The following RAB3C variants were observed in gnomAD, a reference collection of about 807,000 sequenced individuals.
The protein encoded by RAB3C is ras-related protein Rab-3C.
A neutral mutation model predicts 26.4 loss-of-function variants in RAB3C; 17 were observed. That is an observed-to-expected ratio of 0.64 (90% CI 0.44 to 0.97). The LOEUF (loss-of-function observed/expected upper bound fraction) is 0.97. Ranked by LOEUF, RAB3C falls within the 50% of genes least tolerant of loss-of-function variation. The pLI is 0.00. For synonymous variants in RAB3C, 91 were observed against 95.9 expected (o/e 0.95, Z 0.30); for missense variants, 242 against 281.9 (o/e 0.86, Z 1.01).
Position 58,628,911 on chromosome 5 carries a change from G to T in RAB3C, c.252+11041G>T, listed in dbSNP as rs964228135. Among the ~76,000 whole-genome samples the T allele has an allele frequency of 1.3e-4, 20 of 151,832 alleles. 1 individual carries two copies. The South Asian group carries it at 4.2e-3, about 32-fold the overall frequency. On this transcript the variant is annotated intron_variant, in intron 2 of 4. Coordinates refer to ENST00000282878, the MANE Select transcript of RAB3C (RefSeq NM_138453.4). ...GTCAATCTGTTTTTTATAAAGGGCTGGGCATGGTGGCTCATGCCTGTAATC... is the reference window on the plus strand; with the variant it reads ...GTCAATCTGTTTTTTATAAAGGGCTTGGCATGGTGGCTCATGCCTGTAATC...
At chr5:58,585,560 T>C (rs1413419306) in intron 1 of RAB3C, among the ~76,000 whole-genome samples, 1 of 152,076 alleles carries the variant, frequency 6.6e-6, no homozygotes, top group Admixed American at 6.5e-5. Flanking sequence ...GTTCATTTGT[T>C]GATGTGAAAG....
intron 4 of RAB3C, among the ~76,000 whole-genome samples, chr5:58,834,110 G>C (rs1327068494): frequency 6.6e-6 from 1 of 152,148 alleles, no homozygotes; most frequent in East Asian, 1.9e-4. Flanking sequence ...TTTAGCAAAA[G>C]ACCATGGCTG....
Position 58,855,677 on chromosome 5 carries a change from T to C in RAB3C, c.*4326T>C, listed in dbSNP as rs1296185136. The C allele has an allele frequency of 1.3e-5, 2 of 152,218 alleles. No individual in the cohort carries two copies. The highest frequency in any genetic ancestry group is 4.8e-5 in the African/African-American group (2 of 41,460). The allele number at this position is 152,218 out of a possible 1,614,324, so 9.4% of individuals were successfully genotyped here. ...AGCCAGCTTTTGGGAGTTCTTCATATTTTAGGTGAATTTTTGACCAAAGTC... is the reference window on the plus strand; with the variant it reads ...AGCCAGCTTTTGGGAGTTCTTCATACTTTAGGTGAATTTTTGACCAAAGTC... On this transcript the variant is annotated 3_prime_UTR_variant, in exon 5 of 5. Transcript: ENST00000282878.
chr5:58,682,377 G>A (rs908237365), intron 2 of RAB3C, among the ~76,000 whole-genome samples: 2 of 152,112 alleles, frequency 1.3e-5, no homozygotes, highest in African/African-American at 2.4e-5. Flanking sequence ...ACATTCTTGA[G>A]GCATTATTAC....
intron 3 of RAB3C, among the ~76,000 whole-genome samples, chr5:58,748,277 G>A (rs371248309): frequency 2.0e-4 from 30 of 152,208 alleles, no homozygotes; most frequent in African/African-American, 6.7e-4. Flanking sequence ...AAAACTGTGC[G>A]TATTTTCTCA....
At chr5:58,825,302 T>C in intron 4 of RAB3C, 140 bp downstream of exon 4, 1 of 906,072 alleles carries the variant, frequency 1.1e-6, no homozygotes, top group Non-Finnish European at 1.5e-6. Context: ...TAATCCTCCC[T>C]AAGTGGACAA....
rs959471267 is a variant in RAB3C at position 58,857,665 on chromosome 5, A to G, written c.*6314A>G. Reference sequence around the variant, plus strand: ...CAACCCTGGGAATTCTAAAATACCAATGTATTTTTAGGTTGTAGCTAATGT... The same window carrying G: ...CAACCCTGGGAATTCTAAAATACCAGTGTATTTTTAGGTTGTAGCTAATGT... On this transcript the variant is annotated 3_prime_UTR_variant, in exon 5 of 5. Transcript: ENST00000282878. 27 of 152,300 alleles carry G rather than the reference A, an allele frequency of 1.8e-4. No homozygotes were observed. The highest frequency in any genetic ancestry group is 6.0e-4 in the African/African-American group (25 of 41,574). The allele number at this position is 152,300 out of a possible 1,614,324, so 9.4% of individuals were successfully genotyped here.
chr5:58,712,187 A>C (rs760661257), intron 2 of RAB3C, among the ~76,000 whole-genome samples: 55 of 151,974 alleles, frequency 3.6e-4, no homozygotes, highest in Non-Finnish European at 6.5e-4. Context: ...TACTATAAAC[A>C]CTTCACACAC....
chr5:58,605,397 G>T (rs1287648387), intron 1 of RAB3C, among the ~76,000 whole-genome samples: 1 of 152,162 alleles, frequency 6.6e-6, no homozygotes, highest in Non-Finnish European at 1.5e-5. Flanking sequence ...GGTTCTGCAT[G>T]TGAGGAGCTT....
At chr5:58,814,607 C>T (rs981984945) in intron 3 of RAB3C, 2 of 152,166 alleles carry the variant, frequency 1.3e-5, no homozygotes, top group Non-Finnish European at 2.9e-5. Context: ...ATGACTTTGG[C>T]CTTGCCCTGT....
At chr5:58,611,520 G>T (rs1437739660) in intron 1 of RAB3C, among the ~76,000 whole-genome samples, 1 of 151,982 alleles carries the variant, frequency 6.6e-6, no homozygotes, top group African/African-American at 2.4e-5. Flanking sequence ...TTGGCCACAT[G>T]TATGTCTGCA....
intron 4 of RAB3C, among the ~76,000 whole-genome samples, chr5:58,846,730 G>C (rs1021461235): frequency 4.0e-5 from 6 of 151,856 alleles, no homozygotes; most frequent in Admixed American, 3.3e-4. Flanking sequence ...ATGAAGTCAG[G>C]GTGTAGAATC....
intron 1 of RAB3C, among the ~76,000 whole-genome samples, chr5:58,597,079 A>ATATATAATGCATAATATATACTATATAAT (rs1561260515): frequency 3.0e-4 from 2 of 6,564 alleles, no homozygotes; most frequent in African/African-American, 2.2e-3. Flanking sequence ...ATTATATAAT[A>ATATATAATGCATAATATATACTATATAAT]ATATATAATA....
chr5:58,858,920 T>C lies in RAB3C; in HGVS notation c.*7569T>C, dbSNP rs1470107898. 6.6e-6 allele frequency: 1 copy of C among 152,130 alleles called. No homozygotes were observed. The highest frequency in any genetic ancestry group is 1.5e-5 in the Non-Finnish European group (1 of 68,026). The allele number at this position is 152,130 out of a possible 1,614,324, so 9.4% of individuals were successfully genotyped here. A position where few individuals can be genotyped will look rare whatever the true frequency, so the allele number is the denominator to read the frequency against. On this transcript the variant is annotated 3_prime_UTR_variant, in exon 5 of 5. Coordinates refer to ENST00000282878, the MANE Select transcript of RAB3C (RefSeq NM_138453.4). Reference sequence around the variant, plus strand: ...AGACATTTGCCAGTGCACCAAACCATGAGAGATTGTCCGACCTAATGCCAC... The same window carrying C: ...AGACATTTGCCAGTGCACCAAACCACGAGAGATTGTCCGACCTAATGCCAC...
intron 3 of RAB3C, among the ~76,000 whole-genome samples, chr5:58,737,435 ATATATATATATAT>A (rs1561305217): frequency 0.059 from 5,540 of 93,218 alleles, 408 homozygotes; most frequent in East Asian, 0.11. Context: ...ATATATATAT[ATATATATATATAT>A]AATTTACTTG....
intron 4 of RAB3C, among the ~76,000 whole-genome samples, chr5:58,830,347 A>G (rs1743585694): frequency 6.6e-6 from 1 of 152,152 alleles, no homozygotes; most frequent in African/African-American, 2.4e-5. Flanking sequence ...GTCTAGATAA[A>G]TCAATGCAGG....
At chr5:58,665,888 C>T (rs1383216626) in intron 2 of RAB3C, among the ~76,000 whole-genome samples, 1 of 152,086 alleles carries the variant, frequency 6.6e-6, no homozygotes, top group Admixed American at 6.6e-5. Context: ...CTTTGAAACT[C>T]AATGAAGTCA....
intron 4 of RAB3C, among the ~76,000 whole-genome samples, chr5:58,828,180 T>G (rs1186536543): frequency 6.6e-6 from 1 of 152,222 alleles, no homozygotes; most frequent in African/African-American, 2.4e-5. Flanking sequence ...GTTTACAATA[T>G]GCCAGTTACT....
intron 3 of RAB3C, among the ~76,000 whole-genome samples, chr5:58,813,577 AATTTAT>A (rs1226197568): frequency 1.2e-5 from 1 of 86,190 alleles, no homozygotes; most frequent in African/African-American, 3.5e-5. Flanking sequence ...TGTTATGGTT[AATTTAT>A]ATTTATATTT....
Sources: gnomAD v4.1 joint callset for allele counts (sites outside exome capture counted in the v4.1 genomes callset) on GRCh38, gnomAD v4.1.1 for gene constraint, MANE v1.5 for transcripts, NCBI Gene and HGNC (gene_info 2026-07-23, HGNC 2026-07-21) for gene names.